WASF2: variants seen among roughly 807,000 people sequenced by gnomAD.
WASF2 encodes WASP family member 2, also known as actin-binding protein WASF2.
A neutral mutation model predicts 45.0 loss-of-function variants in WASF2; 14 were observed. The ratio of observed to expected loss-of-function variants is 0.31; its 90% CI spans 0.21 to 0.49. The LOEUF (loss-of-function observed/expected upper bound fraction) is 0.49. Ranked by LOEUF, WASF2 falls within the 20% of genes least tolerant of loss-of-function variation. The pLI is 0.99. For synonymous variants in WASF2, 200 were observed against 236.3 expected (o/e 0.85, Z 1.41); for missense variants, 439 against 636.1 (o/e 0.69, Z 3.33).
intron 1 of WASF2, among the ~76,000 whole-genome samples, chr1:27,456,418 A>G (rs1229528288): frequency 2.0e-5 from 3 of 151,864 alleles, no homozygotes; most frequent in Non-Finnish European, 4.4e-5. Flanking sequence ...GGAGATAAGG[A>G]GTAGGAGCTA....
chr1:27,461,681 A>G (rs1224701368), intron 1 of WASF2, among the ~76,000 whole-genome samples: 1 of 151,582 alleles, frequency 6.6e-6, no homozygotes, highest in Non-Finnish European at 1.5e-5. Flanking sequence ...TCACCGTGTT[A>G]GCCAGGATGG....
chr1:27,462,968 C>T (rs149083810), intron 1 of WASF2, among the ~76,000 whole-genome samples: 3,187 of 151,972 alleles, frequency 0.021, 107 homozygotes, highest in African/African-American at 0.072. Context: ...TACAGGTGCG[C>T]GCCACCATGC....
chr1:27,473,337 G>A (rs540472504), intron 1 of WASF2, among the ~76,000 whole-genome samples: 2 of 151,032 alleles, frequency 1.3e-5, no homozygotes, highest in East Asian at 1.9e-4. Context: ...AAAATTAGCC[G>A]GGCGTGGTGG....
chr1:27,454,179 ATATATATATTTT>A (rs2017431925), intron 1 of WASF2, among the ~76,000 whole-genome samples: 82 of 10,270 alleles, frequency 8.0e-3, no homozygotes, highest in African/African-American at 0.018. Flanking sequence ...ATATATATAT[ATATATATATTTT>A]TTTTTTTTTT....
intron 1 of WASF2, among the ~76,000 whole-genome samples, chr1:27,444,620 G>A (rs865799991): frequency 1.5e-4 from 23 of 152,278 alleles, no homozygotes; most frequent in African/African-American, 5.1e-4. Flanking sequence ...TTTCAGTGGA[G>A]GCCAAGAAGT....
intron 1 of WASF2, among the ~76,000 whole-genome samples, chr1:27,461,507 C>T (rs947404471): frequency 6.7e-6 from 1 of 149,792 alleles, no homozygotes; most frequent in Admixed American, 6.6e-5. Context: ...GTCTCCCCGG[C>T]TGGAGTGCAG....
intron 1 of WASF2, among the ~76,000 whole-genome samples, chr1:27,460,456 T>A (rs115925638): frequency 5.3e-5 from 8 of 152,232 alleles, no homozygotes; most frequent in Admixed American, 3.9e-4. Context: ...GATTCAATTA[T>A]AATGAAGCAA....
chr1:27,489,486 T>C (rs2017999545), intron 1 of WASF2, among the ~76,000 whole-genome samples: 1 of 142,094 alleles, frequency 7.0e-6, no homozygotes, highest in Non-Finnish European at 1.5e-5. Context: ...ACACACAGTG[T>C]CCTCCTCAAT....
intron 1 of WASF2, among the ~76,000 whole-genome samples, chr1:27,443,351 T>A (rs1410471981): frequency 1.7e-4 from 24 of 143,560 alleles, no homozygotes; most frequent in African/African-American, 5.5e-4. Context: ...CAGTGGCTCA[T>A]GCCTGTAGTC....
chr1:27,439,921 A>AC (rs2017186097), intron 1 of WASF2, among the ~76,000 whole-genome samples: 1 of 152,154 alleles, frequency 6.6e-6, no homozygotes, highest in Non-Finnish European at 1.5e-5. Context: ...AATCACTTTA[A>AC]CGCGGGACGT....
chr1:27,408,789 T>C (rs1224935800), intron 8 of WASF2, among the ~76,000 whole-genome samples: 1 of 148,160 alleles, frequency 6.7e-6, no homozygotes, highest in Non-Finnish European at 1.5e-5. Context: ...GAATAAATGC[T>C]CCAATGTTCC....
At position 27,409,195 on chromosome 1, in the gene WASF2, C is replaced by T. The variant is rs547398156; in HGVS notation, c.1339+497G>A. Reference sequence around the variant, plus strand: ...ATCCCAGCACTTTGGGAGGCCGAGGCGGGCGGATCACAAGGTCAGGAGATC... The same window carrying T: ...ATCCCAGCACTTTGGGAGGCCGAGGTGGGCGGATCACAAGGTCAGGAGATC... On this transcript the variant is annotated intron_variant, in intron 8 of 8. Coordinates refer to ENST00000618852, the MANE Select transcript of WASF2 (RefSeq NM_006990.5). Among the ~76,000 whole-genome samples, 101 of 152,020 alleles carry T rather than the reference C, an allele frequency of 6.6e-4. 1 individual carries two copies. Among genetic ancestry groups the T allele is most frequent in the Admixed American group, 9.8e-4 (15 of 15,270 alleles).
intron 1 of WASF2, among the ~76,000 whole-genome samples, chr1:27,454,760 G>C (rs1212534316): frequency 6.6e-6 from 1 of 152,088 alleles, no homozygotes; most frequent in Non-Finnish European, 1.5e-5. Context: ...CTTGAGATTA[G>C]TTTATGTTGC....
At chr1:27,415,005 C>T (rs779719963) in intron 5 of WASF2, 42 bp from the exon 6 acceptor site, 24 of 1,605,354 alleles carry the variant, frequency 1.5e-5, no homozygotes, top group Non-Finnish European at 3.4e-6. Flanking sequence ...AGAACATTTT[C>T]CAAGTTCTTC....
At chr1:27,425,045 G>T (rs889200466) in intron 2 of WASF2, among the ~76,000 whole-genome samples, 1 of 152,156 alleles carries the variant, frequency 6.6e-6, no homozygotes, top group African/African-American at 2.4e-5. Flanking sequence ...GTCTGTCTCA[G>T]GAGAATTACT....
chr1:27,462,991 A>G (rs1485195129), intron 1 of WASF2, among the ~76,000 whole-genome samples: 3 of 151,802 alleles, frequency 2.0e-5, no homozygotes, highest in African/African-American at 7.3e-5. Context: ...GGCTAATTTT[A>G]GTATTTTTAG....
Position 27,409,816 on chromosome 1 carries a change from GGGA to G in WASF2, c.1212_1214del (p.Pro406del). On this transcript the variant is annotated inframe_deletion, in exon 8 of 9. Transcript: ENST00000618852. Reference sequence around the variant, plus strand: ...GCTGGCCATCTGCACCAGTGAAAGGGGGAGGAGGGGGCCCCGGAGGAGGAGGAG... The same window carrying G: ...GCTGGCCATCTGCACCAGTGAAAGGGGGAGGGGGCCCCGGAGGAGGAGGAG... 1 of 1,563,754 alleles carries G rather than the reference GGGA, an allele frequency of 6.4e-7. No homozygotes were observed. The highest frequency in any genetic ancestry group is 8.7e-7 in the Non-Finnish European group (1 of 1,153,542).
At chr1:27,418,552 T>A (rs536806400) in intron 3 of WASF2, 130 bp from the exon 4 acceptor site, 3 of 1,268,926 alleles carry the variant, frequency 2.4e-6, no homozygotes, top group East Asian at 2.4e-5. Context: ...GCTTTTTTTT[T>A]CCCTCCCCCT....
At chr1:27,436,120 A>C (rs1438329965) in intron 1 of WASF2, among the ~76,000 whole-genome samples, 1 of 152,208 alleles carries the variant, frequency 6.6e-6, no homozygotes, top group Non-Finnish European at 1.5e-5. Flanking sequence ...TTTACTCTTG[A>C]GTTTCCTCTT....
Sources: gnomAD v4.1 joint callset for allele counts (sites outside exome capture counted in the v4.1 genomes callset) on GRCh38, gnomAD v4.1.1 for gene constraint, MANE v1.5 for transcripts, NCBI Gene and HGNC (gene_info 2026-07-23, HGNC 2026-07-21) for gene names.